CSMD1: variants seen among roughly 807,000 people sequenced by gnomAD.
CSMD1 encodes CUB and sushi domain-containing protein 1.
CSMD1 carries 213 observed loss-of-function variants against 417.5 expected under a neutral mutation model. That is an observed-to-expected ratio of 0.51 (90% CI 0.46 to 0.57). The LOEUF is 0.57. Among genes scored for constraint, CSMD1 ranks in the 20% least tolerant of loss-of-function variants. The pLI, the probability that CSMD1 is intolerant of heterozygous loss-of-function variation, is 0.00. For synonymous variants in CSMD1, 2,862 were observed against 1,736.8 expected (o/e 1.65, Z -16.11); for missense variants, 6,923 against 4,529.7 (o/e 1.53, Z -15.17).
At chr8:4,313,377 C>T (rs1798738003) in intron 3 of CSMD1, among the ~76,000 whole-genome samples, 2 of 151,946 alleles carry the variant, frequency 1.3e-5, no homozygotes. Context: ...ATGCGTGACA[C>T]ACACTCTGCT....
chr8:4,899,272 A>G (rs1361315632), intron 1 of CSMD1, among the ~76,000 whole-genome samples: 3 of 152,234 alleles, frequency 2.0e-5, no homozygotes, highest in African/African-American at 7.2e-5. Flanking sequence ...CCATCCATGC[A>G]TTATAAGCAA....
At chr8:3,569,421 A>T (rs572346173) in intron 10 of CSMD1, among the ~76,000 whole-genome samples, 4 of 152,336 alleles carry the variant, frequency 2.6e-5, no homozygotes, top group Non-Finnish European at 4.4e-5. Context: ...ACTAGGAAAG[A>T]GTATGAATCA....
At chr8:4,064,254 G>T (rs1480529843) in intron 3 of CSMD1, among the ~76,000 whole-genome samples, 1 of 152,198 alleles carries the variant, frequency 6.6e-6, no homozygotes, top group East Asian at 1.9e-4. Flanking sequence ...GGAAATACTT[G>T]ACGTCAGTCT....
intron 7 of CSMD1, among the ~76,000 whole-genome samples, chr8:3,683,303 TCA>T (rs1799763616): frequency 6.6e-6 from 1 of 152,068 alleles, no homozygotes; most frequent in South Asian, 2.1e-4. Flanking sequence ...TATGGATGGA[TCA>T]GTCAAGGCAA....
At chr8:4,084,492 C>G (rs1212769981) in intron 3 of CSMD1, among the ~76,000 whole-genome samples, 1 of 152,084 alleles carries the variant, frequency 6.6e-6, no homozygotes. Flanking sequence ...TTCATTAAGC[C>G]TCTAACATTT....
chr8:3,420,242 A>T (rs1038860961), intron 12 of CSMD1, among the ~76,000 whole-genome samples: 2 of 152,168 alleles, frequency 1.3e-5, no homozygotes, highest in African/African-American at 2.4e-5. Context: ...TCTAACCACA[A>T]GAAAAGCATC....
intron 41 of CSMD1, among the ~76,000 whole-genome samples, chr8:3,140,049 C>CCTG (rs1409440986): frequency 2.0e-5 from 3 of 151,844 alleles, no homozygotes; most frequent in African/African-American, 7.3e-5. Context: ...ATTACAGGCG[C>CCTG]CTGCCATCAT....
chr8:3,553,486 C>T (rs1249366236), intron 10 of CSMD1, among the ~76,000 whole-genome samples: 3 of 152,166 alleles, frequency 2.0e-5, no homozygotes, highest in African/African-American at 7.2e-5. Flanking sequence ...GAAGATATTC[C>T]TAAGACAGCT....
At chr8:3,817,945 G>A (rs777179222) in intron 5 of CSMD1, among the ~76,000 whole-genome samples, 3 of 152,182 alleles carry the variant, frequency 2.0e-5, no homozygotes, top group Admixed American at 6.5e-5. Context: ...TATTAGCTAA[G>A]TGGATTCTTT....
chr8:3,037,060 G>A (rs1810729596), intron 50 of CSMD1, among the ~76,000 whole-genome samples: 1 of 152,170 alleles, frequency 6.6e-6, no homozygotes, highest in Non-Finnish European at 1.5e-5. Context: ...ACTTAAAAGT[G>A]AGAACATAAC....
intron 10 of CSMD1, among the ~76,000 whole-genome samples, chr8:3,503,327 G>A (rs1585265142): frequency 6.6e-6 from 1 of 152,226 alleles, no homozygotes; most frequent in African/African-American, 2.4e-5. Context: ...CTGCTATGAA[G>A]AAGAGGATTC....
At chr8:4,471,223 G>T (rs375684635) in intron 2 of CSMD1, among the ~76,000 whole-genome samples, 3 of 152,126 alleles carry the variant, frequency 2.0e-5, no homozygotes, top group African/African-American at 7.2e-5. Flanking sequence ...AAAAAGTCTC[G>T]TGTTCCCCAA....
intron 5 of CSMD1, among the ~76,000 whole-genome samples, chr8:3,942,778 A>G (rs1362660737): frequency 1.3e-5 from 2 of 152,212 alleles, no homozygotes; most frequent in South Asian, 2.1e-4. Flanking sequence ...GGTTATTTAA[A>G]CAGTTACTGG....
intron 6 of CSMD1, among the ~76,000 whole-genome samples, chr8:3,733,137 G>T (rs4289840): frequency 4.7e-5 from 7 of 148,800 alleles, no homozygotes; most frequent in African/African-American, 1.7e-4. Flanking sequence ...AAAGAAGTTA[G>T]GAATTAGACT....
intron 16 of CSMD1, among the ~76,000 whole-genome samples, chr8:3,398,303 G>A (rs997589809): frequency 5.9e-5 from 9 of 152,074 alleles, no homozygotes; most frequent in Non-Finnish European, 1.3e-4. Flanking sequence ...TTTTTCAAAT[G>A]ATTGATTATA....
At position 4,625,553 on chromosome 8, in the gene CSMD1, A is replaced by G. The variant is rs539576458; in HGVS notation, c.302+11789T>C. ...TGAACCATCTCTAGTCCAAAGTAGG[A>G]CTTCCCTGCCTCCCCTGGCTCTCCT... On this transcript the variant is annotated intron_variant, in intron 2 of 69. Coordinates refer to ENST00000635120, the MANE Select transcript of CSMD1 (RefSeq NM_033225.6). 3.7e-4 allele frequency among the ~76,000 whole-genome samples: 57 copies of G among 152,030 alleles called. 1 individual carries two copies. The South Asian group carries it at 0.011, about 30-fold the overall frequency.
chr8:3,862,140 T>G (rs1221248337), intron 5 of CSMD1, among the ~76,000 whole-genome samples: 1 of 152,192 alleles, frequency 6.6e-6, no homozygotes, highest in African/African-American at 2.4e-5. Context: ...TGCTGTGAAT[T>G]TAATTCAGTT....
intron 3 of CSMD1, among the ~76,000 whole-genome samples, chr8:4,106,523 A>G (rs1801577160): frequency 6.6e-6 from 1 of 152,170 alleles, no homozygotes; most frequent in South Asian, 2.1e-4. Context: ...AGAGCCTCCT[A>G]TGATATTTTA....
intron 3 of CSMD1, among the ~76,000 whole-genome samples, chr8:4,180,834 A>C (rs969193317): frequency 5.3e-5 from 8 of 152,138 alleles, no homozygotes; most frequent in Non-Finnish European, 1.0e-4. Context: ...CCAAAATAAC[A>C]ACAATTATGA....
Sources: allele counts gnomAD v4.1 joint callset (sites outside exome capture counted in the v4.1 genomes callset), GRCh38; gene constraint gnomAD v4.1.1; transcripts MANE v1.5; gene names NCBI Gene and HGNC (gene_info 2026-07-23, HGNC 2026-07-21).